Variants in TIRAP observed in about 807,000 individuals in gnomAD.
TIRAP encodes the protein toll/interleukin-1 receptor domain-containing adapter protein.
Under a neutral mutation model 19.8 loss-of-function variants are expected in TIRAP, and 20 were observed. The observed-to-expected ratio is 1.01, with a 90% CI of 0.71 to 1.47. The LOEUF is 1.47. Ranked by LOEUF, TIRAP falls within the 40% of genes most tolerant of loss-of-function variation. TIRAP has a pLI of 0.00. For missense variants in TIRAP, 276 were observed against 285.1 expected, an observed-to-expected ratio of 0.97 and a Z score of 0.23; for synonymous variants, 125 against 121.7, an observed-to-expected ratio of 1.03 and a Z score of -0.18.
In TIRAP at chr11:126,290,377, GCTCT is replaced by G. The variant is rs1951365416; in HGVS notation, c.-216-78_-216-75del. On this transcript the variant is annotated intron_variant, in intron 1 of 4. Transcript: ENST00000392679. This position sits in a 1 kb window ranked among gnomAD's most constrained non-coding sequence, Gnocchi z 4.9. ...AAGTCTCCCAAGATTTCCTGCATGT[GCTCT>G]CTCTCTACTGTTCAGCTTCTGTCTA... 19 of 948,906 alleles carry G rather than the reference GCTCT, an allele frequency of 2.0e-5. No individual in the cohort carries two copies. Among genetic ancestry groups the G allele is most frequent in the Non-Finnish European group, 2.4e-5 (19 of 796,758 alleles). The allele number at this position is 948,906 out of a possible 1,614,324, so 58.8% of individuals were successfully genotyped here.
At chr11:126,286,082 C>T (rs931283622) in intron 1 of TIRAP, among the ~76,000 whole-genome samples, 60 of 124,380 alleles carry the variant, frequency 4.8e-4, no homozygotes, top group African/African-American at 1.7e-3. Context: ...AAAAAAAGGT[C>T]GGGTGTGGTG....
rs199917692 is a variant in TIRAP, at chr11:126,292,837, G to A, written c.428G>A (p.Arg143Gln). ...CAGGCACTGAGCAGTAGTCACTGCC[G>A]GGTGCTGCTCATCACGCCGGGCTTC... ...LCQALSSSHCRVLLITPGFLQ... is the reference protein window; with the variant it reads ...LCQALSSSHCQVLLITPGFLQ... The change falls in exon 4 of 5, where the codon CGG becomes CAG. Residue 143 changes from arginine (R) to glutamine (Q), a missense_variant. Transcript: ENST00000392679. 1.2e-4 allele frequency: 194 copies of A among 1,612,760 alleles called. No homozygotes were observed. In the East Asian group the frequency reaches 3.7e-3, roughly 30 times the overall value.
At position 126,290,884 on chromosome 11, in the gene TIRAP, A is replaced by G. The variant is rs375992020; in HGVS notation, c.-11A>G. ...GCCTGGTCTCACGGGGCTAGTTTTG[A>G]CCCCCACGCTATGGCATCATCGACC... On this transcript the variant is annotated 5_prime_UTR_variant, in exon 3 of 5. Transcript: ENST00000392679. The surrounding 1 kb of genome is among the most constrained non-coding windows in gnomAD (Gnocchi z 4.9). 10 of 1,599,708 alleles carry G rather than the reference A, an allele frequency of 6.3e-6. No individual in the cohort carries two copies. The highest frequency in any genetic ancestry group is 8.5e-6 in the Non-Finnish European group (10 of 1,172,336).
rs768797256 is a variant in TIRAP, at chr11:126,292,648, G to A, written c.239G>A (p.Ser80Asn). ...ACACATGCGAGTGACAGTGGCAGTA[G>A]TCGCTGGAGCAAAGACTATGACGTC... is the stretch of plus-strand genomic sequence containing the variant. Reference protein sequence around the residue: ...PPTHASDSGSSRWSKDYDVCV... With the variant: ...PPTHASDSGSNRWSKDYDVCV... The change falls in exon 4 of 5, where the codon AGT becomes AAT. Residue 80 changes from serine to asparagine, a missense_variant. Coordinates refer to ENST00000392679, the MANE Select transcript of TIRAP (RefSeq NM_001318777.2). The A allele has an allele frequency of 6.2e-7, 1 of 1,614,154 alleles. No homozygotes were observed. The highest frequency in any genetic ancestry group is 1.1e-5 in the South Asian group (1 of 91,076).
intron 4 of TIRAP, 161 bp downstream of exon 4, chr11:126,293,216 A>T: frequency 7.2e-7 from 1 of 1,386,808 alleles, no homozygotes. Context: ...TTAACCCATA[A>T]AAAGTAACTT....
Position 126,292,472 on chromosome 11 carries a change from C to T in TIRAP, c.68-5C>T, listed in dbSNP as rs758051128. The T allele has an allele frequency of 1.2e-6, 2 of 1,613,546 alleles. No individual in the cohort carries two copies. The highest frequency in any genetic ancestry group is 1.7e-5 in the Admixed American group (1 of 59,970). The stretch of plus-strand genomic sequence containing the variant: ...ACAGGCCTGAGCAGTGTTTCTCCCC[C>T]ACAGACTGGTTCAGGCAGACCCTGC... On this transcript the variant is annotated splice_polypyrimidine_tract_variant and splice_region_variant and intron_variant, in intron 3 of 4. Transcript: ENST00000392679.
Position 126,291,668 on chromosome 11 carries a change from A to G in TIRAP, c.67+707A>G, listed in dbSNP as rs964271374. 2.5e-6 allele frequency: 1 copy of G among 397,928 alleles called. No individual in the cohort carries two copies. 24.6% of individuals were successfully genotyped at this position (397,928 alleles called of 1,614,324 possible). A position where few individuals can be genotyped will look rare whatever the true frequency, so the allele number is the denominator to read the frequency against. On this transcript the variant is annotated intron_variant, in intron 3 of 4. Transcript: ENST00000392679. This position sits in a 1 kb window ranked among gnomAD's most constrained non-coding sequence, Gnocchi z 5.6. ...TCTAGGATTTCTTGGGGCCAAACAG[A>G]TGCCAGTCCTCCGTACCCCTTCCTT...
At position 126,293,010 on chromosome 11, in the gene TIRAP, G is replaced by C. The variant is rs563269513; in HGVS notation, c.601G>C (p.Gly201Arg). The change falls in exon 4 of 5, where the codon GGC becomes CGC. Residue 201 changes from glycine to arginine, a missense_variant. Transcript: ENST00000392679. Reference sequence around the variant, plus strand: ...ATTCATGTACTACGTCGATGGCAGGGGCCCTGATGGTGGCTTTCGTCAAGT... The same window carrying C: ...ATTCATGTACTACGTCGATGGCAGGCGCCCTGATGGTGGCTTTCGTCAAGT... ...LRFMYYVDGR[G>R]PDGGFRQVKE... The C allele has an allele frequency of 6.8e-6, 11 of 1,614,202 alleles. No homozygotes were observed. The East Asian group carries it at 2.2e-4, about 33-fold the overall frequency.
At position 126,290,579 on chromosome 11, in the gene TIRAP, A is replaced by G; in HGVS notation, c.-99A>G. 1 of 1,097,874 alleles carries G rather than the reference A, an allele frequency of 9.1e-7. No individual in the cohort carries two copies. Among genetic ancestry groups the G allele is most frequent in the Non-Finnish European group, 1.1e-6 (1 of 903,178 alleles). The allele number at this position is 1,097,874 out of a possible 1,614,324, so 68.0% of individuals were successfully genotyped here. A position where few individuals can be genotyped will look rare whatever the true frequency, so the allele number is the denominator to read the frequency against. Reference sequence around the variant, plus strand: ...TTCCTCAGCTGGTCATGCTGAGCTCATACCCTGTAAGTCTGACCACACTAC... The same window carrying G: ...TTCCTCAGCTGGTCATGCTGAGCTCGTACCCTGTAAGTCTGACCACACTAC... On this transcript the variant is annotated 5_prime_UTR_variant, in exon 2 of 5. Coordinates refer to ENST00000392679, the MANE Select transcript of TIRAP (RefSeq NM_001318777.2). This position sits in a 1 kb window ranked among gnomAD's most constrained non-coding sequence, Gnocchi z 4.9.
Position 126,292,967 on chromosome 11 carries a change from C to G in TIRAP, c.558C>G (p.Ala186=). ...TGCTGTCGGGCCTCAGCAGAGCTGC[C>G]TACCCACCTGAGCTCCGATTCATGT... ...IPLLSGLSRA[A]YPPELRFMYY... The change falls in exon 4 of 5, where the codon GCC becomes GCG. Residue 186 remains alanine, a synonymous_variant. Transcript: ENST00000392679. 1 of 1,614,040 alleles carries G rather than the reference C, an allele frequency of 6.2e-7. No homozygotes were observed. The highest frequency in any genetic ancestry group is 8.5e-7 in the Non-Finnish European group (1 of 1,179,944).
chr11:126,292,387 G>GTCCTCCCTGTGAGGTGGGGC, intron 3 of TIRAP, 90 bp from the exon 4 acceptor site: 1 of 1,419,352 alleles, frequency 7.0e-7, no homozygotes, highest in Non-Finnish European at 9.7e-7. Context: ...CAGTCTGTCT[G>GTCCTCCCTGTGAGGTGGGGC]TCCTCCCTGT....
At chr11:126,286,027 C>T (rs143347154) in intron 1 of TIRAP, among the ~76,000 whole-genome samples, 9 of 138,490 alleles carry the variant, frequency 6.5e-5, no homozygotes, top group Non-Finnish European at 1.1e-4. Context: ...GCACTCCAGC[C>T]TGGGTGACAG....
rs765930909 is a variant in TIRAP, at chr11:126,292,671, G to A, written c.262G>A (p.Val88Ile). Residue 88 changes from valine (V) to isoleucine (I), a missense_variant, in exon 4 of 5, where the codon GTC becomes ATC. Val to Ile is a conservative substitution (Grantham distance 29). Transcript: ENST00000392679. ...TAGTCGCTGGAGCAAAGACTATGAC[G>A]TCTGCGTGTGCCACAGTGAGGAAGA... ...GSSRWSKDYD[V>I]CVCHSEEDLV... is the part of the protein sequence containing the mutation. The A allele has an allele frequency of 1.1e-5, 18 of 1,613,918 alleles. No individual in the cohort carries two copies. The highest frequency in any genetic ancestry group is 4.4e-5 in the South Asian group (4 of 91,062).
At chr11:126,286,294 G>T (rs923736610) in intron 1 of TIRAP, among the ~76,000 whole-genome samples, 1 of 152,100 alleles carries the variant, frequency 6.6e-6, no homozygotes, top group African/African-American at 2.4e-5. Flanking sequence ...GAACCCAGGA[G>T]GCAGAGGTTG....
In TIRAP at chr11:126,294,849, A is replaced by G. The variant is rs952565062; in HGVS notation, c.*1162A>G. The G allele has an allele frequency of 3.3e-5, 8 of 239,698 alleles. No homozygotes were observed. The highest frequency in any genetic ancestry group is 6.7e-5 in the Non-Finnish European group (8 of 119,850). 14.8% of individuals were successfully genotyped at this position (239,698 alleles called of 1,614,324 possible). Reference sequence around the variant, plus strand: ...CATGGCTCACACCTGTAATCTCAGCACTTTGGGAGGCCGAGGCAGGTGGAT... The same window carrying G: ...CATGGCTCACACCTGTAATCTCAGCGCTTTGGGAGGCCGAGGCAGGTGGAT... On this transcript the variant is annotated 3_prime_UTR_variant, in exon 5 of 5. Coordinates refer to ENST00000392679, the MANE Select transcript of TIRAP (RefSeq NM_001318777.2).
At position 126,294,911 on chromosome 11, in the gene TIRAP, T is replaced by C. The variant is rs8177378; in HGVS notation, c.*1224T>C. 0.061 allele frequency: 11,020 copies of C among 181,028 alleles called. 492 individuals are homozygous for C. Among genetic ancestry groups the C allele is most frequent in the East Asian group, 0.16 (1,027 of 6,408 alleles). The allele number at this position is 181,028 out of a possible 1,614,324, so 11.2% of individuals were successfully genotyped here. A position where few individuals can be genotyped will look rare whatever the true frequency, so the allele number is the denominator to read the frequency against. On this transcript the variant is annotated 3_prime_UTR_variant, in exon 5 of 5. Transcript: ENST00000392679. ...AGGAGTTCAAGACTAGCCTGGCCAA[T>C]ATGGTGAAACCCTGTCTCTACTAAA...
Position 126,290,382 on chromosome 11 carries a change from C to T in TIRAP, c.-216-80C>T, listed in dbSNP as rs918119485. On this transcript the variant is annotated intron_variant, in intron 1 of 4. Coordinates refer to ENST00000392679, the MANE Select transcript of TIRAP (RefSeq NM_001318777.2). The surrounding 1 kb of genome is among the most constrained non-coding windows in gnomAD (Gnocchi z 4.9). Reference sequence around the variant, plus strand: ...TCCCAAGATTTCCTGCATGTGCTCTCTCTCTACTGTTCAGCTTCTGTCTAT... The same window carrying T: ...TCCCAAGATTTCCTGCATGTGCTCTTTCTCTACTGTTCAGCTTCTGTCTAT... The T allele has an allele frequency of 4.1e-6, 4 of 965,904 alleles. No homozygotes were observed. Among genetic ancestry groups the T allele is most frequent in the Non-Finnish European group, 4.9e-6 (4 of 812,154 alleles). The allele number at this position is 965,904 out of a possible 1,614,324, so 59.8% of individuals were successfully genotyped here.
Position 126,292,780 on chromosome 11 carries a change from C to T in TIRAP, c.371C>T (p.Thr124Ile), listed in dbSNP as rs1426087686. 3 of 1,612,928 alleles carry T rather than the reference C, an allele frequency of 1.9e-6. No homozygotes were observed. The highest frequency in any genetic ancestry group is 1.7e-5 in the Admixed American group (1 of 59,908). Residue 124 changes from threonine (T) to isoleucine (I), a missense_variant, in exon 4 of 5, where the codon ACC (threonine) becomes ATC (isoleucine). Thr to Ile is a moderately conservative substitution (Grantham distance 89). Coordinates refer to ENST00000392679, the MANE Select transcript of TIRAP (RefSeq NM_001318777.2). ...TGCTTCCTGCAACTCCGGGATGCAA[C>T]CCCAGGCGGCGCTATAGTGTCCGAG... is the stretch of plus-strand genomic sequence containing the variant. ...LRCFLQLRDATPGGAIVSELC... is the reference protein window; with the variant it reads ...LRCFLQLRDAIPGGAIVSELC...
At chr11:126,285,243 G>GTGTGTATATATATATATATATATATA in intron 1 of TIRAP, among the ~76,000 whole-genome samples, 3 of 106,974 alleles carry the variant, frequency 2.8e-5, no homozygotes, top group African/African-American at 1.1e-4. Flanking sequence ...GTGTGTGTGT[G>GTGTGTATATATATATATATATATATA]TATATATATA....
Sources: gnomAD v4.1 joint callset for allele counts (sites outside exome capture counted in the v4.1 genomes callset) on GRCh38, gnomAD v4.1.1 for gene constraint, Gnocchi (gnomAD v3.1) non-coding constraint, MANE v1.5 for transcripts, NCBI Gene and HGNC (gene_info 2026-07-23, HGNC 2026-07-21) for gene names.